FRAS1: variants seen among roughly 807,000 people sequenced by gnomAD.
The protein encoded by FRAS1 is extracellular matrix organizing protein FRAS1.
FRAS1 carries 290 observed loss-of-function variants against 435.2 expected under a neutral mutation model. The observed-to-expected ratio is 0.67, with a 90% CI of 0.61 to 0.73. FRAS1 has a LOEUF of 0.73. FRAS1 is among the 30% of genes least tolerant of loss of function. The pLI, the probability that FRAS1 is intolerant of heterozygous loss-of-function variation, is 0.00. For synonymous variants in FRAS1, 1,800 were observed against 1,851.0 expected, an observed-to-expected ratio of 0.97 and a Z score of 0.71; for missense variants, 4,860 against 5,001.5, an observed-to-expected ratio of 0.97 and a Z score of 0.85.
chr4:78,316,246 A>T (rs1327269955), intron 16 of FRAS1, among the ~76,000 whole-genome samples: 2 of 152,134 alleles, frequency 1.3e-5, no homozygotes, highest in South Asian at 4.1e-4. Context: ...AAACATACCC[A>T]TTTGAGACTT....
At chr4:78,505,938 G>A (rs1720824360) in intron 61 of FRAS1, among the ~76,000 whole-genome samples, 1 of 152,186 alleles carries the variant, frequency 6.6e-6, no homozygotes, top group African/African-American at 2.4e-5. Flanking sequence ...TTTTGTTGAT[G>A]TTGCTGCTAT....
chr4:78,172,828 G>A (rs900434740), intron 2 of FRAS1, among the ~76,000 whole-genome samples: 1 of 151,146 alleles, frequency 6.6e-6, no homozygotes, highest in Non-Finnish European at 1.5e-5. Flanking sequence ...AGTCTTTTGT[G>A]GAGTTCTTGA....
At chr4:78,410,899 A>G (rs1218648348) in intron 31 of FRAS1, among the ~76,000 whole-genome samples, 2 of 152,158 alleles carry the variant, frequency 1.3e-5, no homozygotes, top group African/African-American at 2.4e-5. Context: ...CTAAAGTCTC[A>G]TTGTTTTATA....
At chr4:78,299,632 T>A (rs373760186) in intron 14 of FRAS1, among the ~76,000 whole-genome samples, 7 of 152,226 alleles carry the variant, frequency 4.6e-5, no homozygotes, top group African/African-American at 1.7e-4. Flanking sequence ...CCTACAGATG[T>A]CTTGAGTTAC....
intron 47 of FRAS1, among the ~76,000 whole-genome samples, chr4:78,452,608 A>T (rs535572822): frequency 1.5e-4 from 23 of 152,334 alleles, no homozygotes; most frequent in African/African-American, 5.3e-4. Flanking sequence ...CCATAACTAG[A>T]TGGTAAATTC....
chr4:78,304,180 C>A (rs1208839920), intron 14 of FRAS1, among the ~76,000 whole-genome samples: 2 of 151,260 alleles, frequency 1.3e-5, no homozygotes, highest in South Asian at 2.1e-4. Context: ...TTATATTGAA[C>A]CAGCCTTGCA....
At chr4:78,232,018 C>T (rs1037992636) in intron 2 of FRAS1, among the ~76,000 whole-genome samples, 6 of 151,966 alleles carry the variant, frequency 3.9e-5, no homozygotes, top group Non-Finnish European at 4.4e-5. Flanking sequence ...TTTAAAGTGT[C>T]GGAATTGCAA....
intron 38 of FRAS1, among the ~76,000 whole-genome samples, chr4:78,437,263 CT>C (rs1734465908): frequency 6.6e-6 from 1 of 152,194 alleles, no homozygotes; most frequent in African/African-American, 2.4e-5. Context: ...GCCAGGAGCT[CT>C]GTCCTTATAG....
intron 2 of FRAS1, among the ~76,000 whole-genome samples, chr4:78,102,423 ACT>A (rs1319796756): frequency 6.6e-6 from 1 of 152,092 alleles, no homozygotes; most frequent in East Asian, 1.9e-4. Context: ...AAATGAATGA[ACT>A]CTAAGTACCC....
rs1039074872 is a variant in FRAS1, at chr4:78,379,898, A to T, written c.3465A>T (p.Arg1155Ser). The change falls in exon 27 of 74, where the codon AGA becomes AGT. Residue 1155 changes from arginine to serine, a missense_variant. By Grantham distance (110) the Arg-to-Ser change is moderately radical. Coordinates refer to ENST00000512123, the MANE Select transcript of FRAS1 (RefSeq NM_025074.7). The part of the protein sequence containing the change: ...TPTNGQLVLS[R>S]NGKEVQLDKA... Reference sequence around the variant, plus strand: ...CCAATGGTCAGCTAGTGCTCTCAAGAAATGGAAAAGAGGTTCAGCTGGACA... The same window carrying T: ...CCAATGGTCAGCTAGTGCTCTCAAGTAATGGAAAAGAGGTTCAGCTGGACA... 10 of 1,613,834 alleles carry T rather than the reference A, an allele frequency of 6.2e-6. No homozygotes were observed. The Admixed American group carries it at 6.7e-5, about 11-fold the overall frequency.
At chr4:78,508,559 A>T (rs894065017) in intron 62 of FRAS1, among the ~76,000 whole-genome samples, 172 bp from the exon 63 acceptor site, 2 of 152,128 alleles carry the variant, frequency 1.3e-5, no homozygotes, top group African/African-American at 4.8e-5. Context: ...ACCACTAAAG[A>T]TCTGCAGTAT....
chr4:78,253,622 G>T (rs1340630905), intron 5 of FRAS1, among the ~76,000 whole-genome samples: 2 of 152,132 alleles, frequency 1.3e-5, no homozygotes, highest in African/African-American at 4.8e-5. Context: ...GTGGCTCAAA[G>T]ATTTCCTAAC....
chr4:78,377,187 G>A (rs547173833), intron 26 of FRAS1, among the ~76,000 whole-genome samples: 193 of 152,184 alleles, frequency 1.3e-3, no homozygotes, highest in Non-Finnish European at 1.4e-3. Context: ...TTTGAGAGTC[G>A]TTCGTCAAAA....
intron 29 of FRAS1, among the ~76,000 whole-genome samples, chr4:78,398,306 G>A (rs962198364): frequency 5.3e-5 from 8 of 152,182 alleles, no homozygotes; most frequent in Non-Finnish European, 8.8e-5. Context: ...CTTTTCATGC[G>A]TTAGTATGTC....
rs1733153998 is a variant in FRAS1 at position 78,407,679 on chromosome 4, A to G, written c.4146A>G (p.Leu1382=). 7 of 1,611,784 alleles carry G rather than the reference A, an allele frequency of 4.3e-6. No homozygotes were observed. The highest frequency in any genetic ancestry group is 5.9e-6 in the Non-Finnish European group (7 of 1,179,022). The change falls in exon 31 of 74, where the codon CTA becomes CTG. Residue 1382 remains leucine (L), a synonymous_variant. Coordinates refer to ENST00000512123, the MANE Select transcript of FRAS1 (RefSeq NM_025074.7). ...CCTTCCTAGGGGAGGTGGTCCTTCTAGTGAATATGCCTGCAGACAGCCCTG... is the reference window on the plus strand; with the variant it reads ...CCTTCCTAGGGGAGGTGGTCCTTCTGGTGAATATGCCTGCAGACAGCCCTG... ...DYPQFGEVVL[L]VNMPADSPAD... is the part of the protein sequence containing the mutation.
At chr4:78,140,225 A>G (rs1268819321) in intron 2 of FRAS1, among the ~76,000 whole-genome samples, 2 of 152,160 alleles carry the variant, frequency 1.3e-5, no homozygotes, top group Admixed American at 1.3e-4. Context: ...ACCCAAGAGA[A>G]CATTATTACA....
Position 78,307,941 on chromosome 4 carries a change from A to G in FRAS1, c.1535-125A>G, listed in dbSNP as rs933713064. On this transcript the variant is annotated intron_variant, in intron 14 of 73. Transcript: ENST00000512123. ...TTTGTCCTGAGGTGTACATGTGTCA[A>G]TAGCAGTTTAGGAACTAAGGAACCA... is the stretch of plus-strand genomic sequence containing the variant. The G allele has an allele frequency of 1.1e-5, 10 of 904,362 alleles. No individual in the cohort carries two copies. The African/African-American group carries it at 1.5e-4, about 14-fold the overall frequency. 56.0% of individuals were successfully genotyped at this position (904,362 alleles called of 1,614,324 possible).
intron 2 of FRAS1, among the ~76,000 whole-genome samples, chr4:78,197,954 G>C (rs923366835): frequency 2.1e-5 from 3 of 143,630 alleles, no homozygotes; most frequent in African/African-American, 7.7e-5. Flanking sequence ...AAAAAAAAAA[G>C]AGTGGACTGA....
intron 20 of FRAS1, among the ~76,000 whole-genome samples, chr4:78,342,488 T>C (rs1730430953): frequency 6.6e-6 from 1 of 152,216 alleles, no homozygotes. Context: ...CTGTGCATAA[T>C]TGCGGGAGAC....
Sources: gnomAD v4.1 joint callset for allele counts (sites outside exome capture counted in the v4.1 genomes callset) on GRCh38, gnomAD v4.1.1 for gene constraint, MANE v1.5 for transcripts, NCBI Gene and HGNC (gene_info 2026-07-23, HGNC 2026-07-21) for gene names.